B3GALT1: variants seen among roughly 807,000 people sequenced by gnomAD.
The protein encoded by B3GALT1 is UDP-Gal:betaGlcNAc beta 1,3-galactosyltransferase, polypeptide 1.
Under a neutral mutation model 23.2 loss-of-function variants are expected in B3GALT1, and 10 were observed. That is an observed-to-expected ratio of 0.43 (90% CI 0.27 to 0.73). The LOEUF is 0.73. B3GALT1 is among the 30% of genes least tolerant of loss of function. The pLI is 0.21. For missense variants in B3GALT1, 299 were observed against 405.4 expected, an observed-to-expected ratio of 0.74 and a Z score of 2.25; for synonymous variants, 156 against 141.5, an observed-to-expected ratio of 1.10 and a Z score of -0.73.
At chr2:167,574,221 A>T (rs1483366271) in intron 2 of B3GALT1, among the ~76,000 whole-genome samples, 1 of 151,732 alleles carries the variant, frequency 6.6e-6, no homozygotes, top group Non-Finnish European at 1.5e-5. Context: ...CATTCAAATG[A>T]TACCTTCAAA....
chr2:167,762,031 A>T (rs1687905799), intron 3 of B3GALT1, among the ~76,000 whole-genome samples: 1 of 152,236 alleles, frequency 6.6e-6, no homozygotes, highest in Non-Finnish European at 1.5e-5. Flanking sequence ...TGACTTGGAA[A>T]TTATCGGAGG....
chr2:167,581,627 A>G (rs1684484683), intron 2 of B3GALT1, among the ~76,000 whole-genome samples: 1 of 152,224 alleles, frequency 6.6e-6, no homozygotes, highest in Admixed American at 6.5e-5. Flanking sequence ...TGTGCCATTC[A>G]TGCAGTTATA....
At chr2:167,517,732 G>T (rs1700126535) in intron 2 of B3GALT1, among the ~76,000 whole-genome samples, 3 of 152,024 alleles carry the variant, frequency 2.0e-5, no homozygotes, top group East Asian at 1.9e-4. Flanking sequence ...ATAAGCTTCT[G>T]CCATTTACCA....
chr2:167,545,325 G>GC (rs1386724104), intron 2 of B3GALT1, among the ~76,000 whole-genome samples: 3 of 151,158 alleles, frequency 2.0e-5, no homozygotes, highest in East Asian at 2.2e-4. Context: ...GTGAGCCACC[G>GC]GCCCGGTGTG....
chr2:167,381,483 A>G (rs780600376), intron 1 of B3GALT1, among the ~76,000 whole-genome samples: 1 of 152,228 alleles, frequency 6.6e-6, no homozygotes, highest in Non-Finnish European at 1.5e-5. Context: ...ATACTCAGCA[A>G]TACACTAAAG....
chr2:167,557,143 C>CT lies in B3GALT1; in HGVS notation c.-410+66877dup, dbSNP rs199665337. On this transcript the variant is annotated intron_variant, in intron 2 of 4. Transcript: ENST00000392690. ...TGGTTATCTACATAAGTACATTAGT[C>CT]TTTTTTTTTTTAATTCTGTTTATAC... Among the ~76,000 whole-genome samples, 652 of 146,500 alleles carry CT rather than the reference C, an allele frequency of 4.5e-3. 3 individuals are homozygous for CT. Among genetic ancestry groups the CT allele is most frequent in the Non-Finnish European group, 6.1e-3 (405 of 66,216 alleles).
intron 3 of B3GALT1, among the ~76,000 whole-genome samples, chr2:167,773,589 A>T (rs1390466488): frequency 4.6e-5 from 7 of 152,202 alleles, no homozygotes; most frequent in African/African-American, 1.7e-4. Flanking sequence ...GTAGTGGCAG[A>T]CCCTTCAATT....
At chr2:167,602,303 A>T (rs1684890667) in intron 2 of B3GALT1, among the ~76,000 whole-genome samples, 1 of 152,138 alleles carries the variant, frequency 6.6e-6, no homozygotes, top group Admixed American at 6.5e-5. Context: ...ATGAGCTCCC[A>T]GCAAAGAGAG....
At chr2:167,592,948 G>C (rs1048916163) in intron 2 of B3GALT1, among the ~76,000 whole-genome samples, 2 of 152,190 alleles carry the variant, frequency 1.3e-5, no homozygotes, top group Non-Finnish European at 2.9e-5. Context: ...CGTAATAAAT[G>C]CAATGGGAAG....
chr2:167,570,508 TA>T (rs1457795625), intron 2 of B3GALT1, among the ~76,000 whole-genome samples: 1 of 151,956 alleles, frequency 6.6e-6, no homozygotes, highest in African/African-American at 2.4e-5. Flanking sequence ...GTTTATGCAT[TA>T]TTTGCTTCTA....
In B3GALT1 at chr2:167,870,014, A is replaced by G. The variant is rs1343334909; in HGVS notation, c.975A>G (p.Arg325=). ...WNDMSSKKHL[R]C ...ACATGTCAAGCAAGAAACATCTCAG[A>G]TGTTAGGATTTTTACCAATGTAAAT... Residue 325 remains arginine (R), a synonymous_variant, in exon 5 of 5, where the codon AGA becomes AGG. Transcript: ENST00000392690. 1 of 1,592,214 alleles carries G rather than the reference A, an allele frequency of 6.3e-7. No homozygotes were observed.
intron 2 of B3GALT1, among the ~76,000 whole-genome samples, chr2:167,589,799 C>T (rs1684644115): frequency 6.6e-6 from 1 of 151,936 alleles, no homozygotes; most frequent in African/African-American, 2.4e-5. Context: ...TCTAATAGCA[C>T]AAAATAGAGA....
chr2:167,769,780 G>A (rs1052372431), intron 3 of B3GALT1, among the ~76,000 whole-genome samples: 6 of 151,986 alleles, frequency 3.9e-5, no homozygotes, highest in Admixed American at 1.3e-4. Context: ...TCCATTATAC[G>A]GATGTGCCAC....
intron 2 of B3GALT1, among the ~76,000 whole-genome samples, chr2:167,580,865 G>A (rs1230183967): frequency 6.6e-6 from 1 of 152,122 alleles, no homozygotes; most frequent in East Asian, 1.9e-4. Context: ...TCTGAGGGAG[G>A]AGGCTTCAAG....
intron 3 of B3GALT1, among the ~76,000 whole-genome samples, chr2:167,796,692 A>G (rs1453402701): frequency 6.6e-6 from 1 of 152,236 alleles, no homozygotes; most frequent in Non-Finnish European, 1.5e-5. Flanking sequence ...CGGATGTTGC[A>G]GTGAGCTGTG....
At chr2:167,498,066 C>T (rs1318288840) in intron 2 of B3GALT1, among the ~76,000 whole-genome samples, 1 of 152,118 alleles carries the variant, frequency 6.6e-6, no homozygotes, top group Non-Finnish European at 1.5e-5. Flanking sequence ...TTCCGTTTTG[C>T]TCTTACCATC....
At chr2:167,585,373 T>C (rs1263584706) in intron 2 of B3GALT1, among the ~76,000 whole-genome samples, 1 of 152,084 alleles carries the variant, frequency 6.6e-6, no homozygotes, top group African/African-American at 2.4e-5. Context: ...AGCCCCTTAA[T>C]AATTGGGCAA....
chr2:167,389,154 G>A (rs1356670748), intron 1 of B3GALT1, among the ~76,000 whole-genome samples: 2 of 152,110 alleles, frequency 1.3e-5, no homozygotes, highest in East Asian at 3.9e-4. Context: ...CTGTGCTTCT[G>A]GTGTGCACAT....
Position 167,365,434 on chromosome 2 carries a change from G to A in B3GALT1, c.-511+72100G>A, listed in dbSNP as rs1465185637. Among the ~76,000 whole-genome samples the A allele has an allele frequency of 2.0e-5, 3 of 152,020 alleles. No individual in the cohort carries two copies. The East Asian group carries it at 5.8e-4, about 29-fold the overall frequency. On this transcript the variant is annotated intron_variant, in intron 1 of 4. Coordinates refer to ENST00000392690, the MANE Select transcript of B3GALT1 (RefSeq NM_020981.4). ...CACTGTGAAAGGATCAGAGAAATTG[G>A]CTCTAGCATATCTGTTCTTGTTGTT...
Sources: allele counts gnomAD v4.1 joint callset (sites outside exome capture counted in the v4.1 genomes callset), GRCh38; gene constraint gnomAD v4.1.1; transcripts MANE v1.5; gene names NCBI Gene and HGNC (gene_info 2026-07-23, HGNC 2026-07-21).